Variants in NUP214 observed in about 807,000 individuals in gnomAD.
NUP214 encodes nucleoporin 214.
NUP214 carries 79 observed loss-of-function variants against 196.2 expected under a neutral mutation model. The observed-to-expected ratio is 0.40, with a 90% CI of 0.34 to 0.49. The LOEUF (loss-of-function observed/expected upper bound fraction) is 0.49, where lower values mean the gene tolerates loss of function less well. Ranked by LOEUF, NUP214 falls within the 20% of genes least tolerant of loss-of-function variation. NUP214 has a pLI of 0.58. For missense variants in NUP214, 2,468 were observed against 2,539.0 expected, an observed-to-expected ratio of 0.97 and a Z score of 0.60; for synonymous variants, 1,020 against 990.5, an observed-to-expected ratio of 1.03 and a Z score of -0.56.
intron 26 of NUP214, chr9:131,190,980 AT>A (rs1363564050): frequency 1.3e-5 from 2 of 152,148 alleles, no homozygotes; most frequent in East Asian, 3.9e-4. Context: ...TCTGCTGATG[AT>A]TTAGATTGTG....
chr9:131,190,420 T>C (rs1343659936), intron 26 of NUP214: 1 of 691,414 alleles, frequency 1.4e-6, no homozygotes, highest in Admixed American at 2.1e-5. Context: ...TCACCATTCA[T>C]TGCTGATCAT....
intron 30 of NUP214, among the ~76,000 whole-genome samples, chr9:131,208,664 T>C (rs1415134801): frequency 6.6e-6 from 1 of 150,992 alleles, no homozygotes; most frequent in African/African-American, 2.4e-5. Context: ...GCCACTGCAC[T>C]CCAGCCTGGG....
intron 24 of NUP214, among the ~76,000 whole-genome samples, chr9:131,185,359 T>A (rs774745581): frequency 7.9e-5 from 12 of 152,256 alleles, no homozygotes; most frequent in Non-Finnish European, 1.5e-4. Flanking sequence ...TCTGTGCCTC[T>A]GTCGCTCATT....
chr9:131,129,752 C>A (rs980842923), intron 4 of NUP214, among the ~76,000 whole-genome samples: 1 of 151,922 alleles, frequency 6.6e-6, no homozygotes, highest in African/African-American at 2.4e-5. Context: ...TATAGACATG[C>A]GCCACCATGC....
At chr9:131,199,089 T>C in intron 29 of NUP214, 74 bp downstream of exon 29, 1 of 1,498,106 alleles carries the variant, frequency 6.7e-7, no homozygotes, top group Non-Finnish European at 8.9e-7. Context: ...CCCCTATTAC[T>C]TTTGTAATTA....
At chr9:131,203,845 A>G (rs1834005558) in intron 30 of NUP214, among the ~76,000 whole-genome samples, 2 of 152,228 alleles carry the variant, frequency 1.3e-5, no homozygotes, top group Non-Finnish European at 2.9e-5. Context: ...AGCATTTACT[A>G]ATCTGAGAAA....
Position 131,187,221 on chromosome 9 carries a change from C to T in NUP214, c.3420-68C>T. 7 of 1,387,962 alleles carry T rather than the reference C, an allele frequency of 5.0e-6. 1 individual carries two copies. In the South Asian group the frequency reaches 8.1e-5, roughly 16 times the overall value. The allele number at this position is 1,387,962 out of a possible 1,614,324, so 86.0% of individuals were successfully genotyped here. ...TATTGTATATTGGACAGAAGGTTGG[C>T]TTGAGAATGAATGTGATTTTTACCT... On this transcript the variant is annotated intron_variant, in intron 24 of 35. Transcript: ENST00000359428.
chr9:131,174,220 G>A lies in NUP214; in HGVS notation c.3059G>A (p.Arg1020His), dbSNP rs371504090. 2.2e-5 allele frequency: 35 copies of A among 1,613,734 alleles called. No individual in the cohort carries two copies. In the African/African-American group the frequency reaches 3.9e-4, roughly 18 times the overall value. ...GCCCCTCGGCACGCCCCCGTGGTTC[G>A]CACTCCTTCCATCCAGCCCAGTCTC... ...VQAPRHAPVV[R>H]TPSIQPSLLP... Residue 1020 changes from arginine (R) to histidine (H), a missense_variant, in exon 22 of 36, where the codon CGC (arginine) becomes CAC (histidine). By Grantham distance (29) the Arg-to-His change is conservative (BLOSUM62 0). This residue lies in a region of NUP214 where 1,801 missense variants were observed against 1,779.4 expected (regional missense o/e 1.01). Coordinates refer to ENST00000359428, the MANE Select transcript of NUP214 (RefSeq NM_005085.4).
At position 131,234,529 on chromosome 9, in the gene NUP214, G is replaced by A. The variant is rs1834960879; in HGVS notation, c.*1042G>A. 8.6e-6 allele frequency: 2 copies of A among 232,208 alleles called. No individual in the cohort carries two copies. Among genetic ancestry groups the A allele is most frequent in the East Asian group, 6.1e-5 (1 of 16,460 alleles). 14.4% of individuals were successfully genotyped at this position (232,208 alleles called of 1,614,324 possible). ...AACAGATGTAAGAATTTCTCTTTCA[G>A]GCCCAGAATCTGACAGTGCTTTGGC... On this transcript the variant is annotated 3_prime_UTR_variant, in exon 36 of 36. Coordinates refer to ENST00000359428, the MANE Select transcript of NUP214 (RefSeq NM_005085.4).
chr9:131,216,964 T>A (rs764916342), intron 31 of NUP214, among the ~76,000 whole-genome samples: 4 of 152,212 alleles, frequency 2.6e-5, no homozygotes, highest in Non-Finnish European at 5.9e-5. Context: ...GCTTCTCTCA[T>A]TTAATGTGCC....
intron 4 of NUP214, 139 bp from the exon 5 acceptor site, chr9:131,130,627 C>T (rs1050217945): frequency 8.3e-6 from 6 of 723,862 alleles, no homozygotes; most frequent in South Asian, 3.9e-5. Flanking sequence ...TACTTTTTTC[C>T]ACTTTGCCTG....
intron 26 of NUP214, chr9:131,190,891 A>C (rs1173669924): frequency 1.3e-5 from 2 of 154,530 alleles, no homozygotes; most frequent in African/African-American, 4.8e-5. Context: ...TGCAGGTCTG[A>C]TACAGATCCA....
chr9:131,232,553 G>C lies in NUP214; in HGVS notation c.6239+245G>C, dbSNP rs538734486. On this transcript the variant is annotated intron_variant, in intron 35 of 35. Transcript: ENST00000359428. This position sits in a 1 kb window ranked among gnomAD's most constrained non-coding sequence, Gnocchi z 5.1. ...GCGTGGTTCAAAGAGAAAAGAGCAC[G>C]CCTGCCAGTGAGCTGGGCCTGAGGG... 94 of 580,790 alleles carry C rather than the reference G, an allele frequency of 1.6e-4. No homozygotes were observed. In the East Asian group the frequency reaches 2.6e-3, roughly 16 times the overall value. 36.0% of individuals were successfully genotyped at this position (580,790 alleles called of 1,614,324 possible). A position where few individuals can be genotyped will look rare whatever the true frequency, so the allele number is the denominator to read the frequency against.
At chr9:131,187,188 A>C in intron 24 of NUP214, 101 bp from the exon 25 acceptor site, 2 of 990,892 alleles carry the variant, frequency 2.0e-6, no homozygotes, top group East Asian at 2.4e-5. Context: ...TATCCTACCC[A>C]AAACTGGTAT....
intron 32 of NUP214, among the ~76,000 whole-genome samples, chr9:131,224,340 G>A (rs894141291): frequency 2.0e-5 from 3 of 152,080 alleles, no homozygotes; most frequent in African/African-American, 4.8e-5. Flanking sequence ...TGAGATCTGC[G>A]GAGAGTCTGC....
Position 131,175,472 on chromosome 9 carries a change from C to G in NUP214, c.3170C>G (p.Ala1057Gly). ...GVMGTSVATS[A>G]SKIIPQGADS... Reference sequence around the variant, plus strand: ...CTTTTCCTCTTAGTGGCTACATCTGCTAGCAAAATTATTCCTCAAGGGGCC... The same window carrying G: ...CTTTTCCTCTTAGTGGCTACATCTGGTAGCAAAATTATTCCTCAAGGGGCC... Residue 1057 changes from alanine to glycine, a missense_variant, in exon 23 of 36, where the codon GCT becomes GGT. Transcript: ENST00000359428. 6.2e-7 allele frequency: 1 copy of G among 1,614,170 alleles called. No homozygotes were observed. The highest frequency in any genetic ancestry group is 8.5e-7 in the Non-Finnish European group (1 of 1,179,988).
rs1414792427 is a variant in NUP214 at position 131,140,636 on chromosome 9, A to C, written c.1220A>C (p.Asn407Thr). 2 of 1,613,972 alleles carry C rather than the reference A, an allele frequency of 1.2e-6. No individual in the cohort carries two copies. The highest frequency in any genetic ancestry group is 3.3e-5 in the Admixed American group (2 of 60,006). The change falls in exon 11 of 36, where the codon AAT (asparagine) becomes ACT (threonine). Residue 407 changes from asparagine to threonine, a missense_variant. By Grantham distance (65) the Asn-to-Thr change is moderately conservative. Transcript: ENST00000359428. Reference sequence around the variant, plus strand: ...TGTCCATTTTATATGATTAATCAAAATCCTGGGGTTAAGTCTCTCATCAAA... The same window carrying C: ...TGTCCATTTTATATGATTAATCAAACTCCTGGGGTTAAGTCTCTCATCAAA... Reference protein sequence around the residue: ...VLCPFYMINQNPGVKSLIKTP... With the variant: ...VLCPFYMINQTPGVKSLIKTP...
chr9:131,163,828 T>C, intron 19 of NUP214, 42 bp from the exon 20 acceptor site: 6 of 1,496,154 alleles, frequency 4.0e-6, no homozygotes, highest in Non-Finnish European at 5.6e-6. Context: ...CTCCGATCTT[T>C]CAGCTCCTAG....
intron 14 of NUP214, chr9:131,149,994 A>T (rs951694546): frequency 5.4e-6 from 1 of 184,306 alleles, no homozygotes; most frequent in Non-Finnish European, 1.2e-5. Flanking sequence ...TGGCCATCTC[A>T]TCTGAAGTAG....
Sources: gnomAD v4.1 joint callset for allele counts (sites outside exome capture counted in the v4.1 genomes callset) on GRCh38, gnomAD v4.1.1 for gene constraint, gnomAD v4.1.1 regional missense constraint, Gnocchi (gnomAD v3.1) non-coding constraint, MANE v1.5 for transcripts, NCBI Gene and HGNC (gene_info 2026-07-23, HGNC 2026-07-21) for gene names.